DPYD: variants seen among roughly 807,000 people sequenced by gnomAD.
The protein encoded by DPYD is dihydropyrimidine dehydrogenase [NADP(+)].
A neutral mutation model predicts 116.2 loss-of-function variants in DPYD; 109 were observed. That is an observed-to-expected ratio of 0.94 (90% CI 0.80 to 1.10). The LOEUF (loss-of-function observed/expected upper bound fraction) is 1.10. Among genes scored for constraint, DPYD ranks in the 50% least tolerant of loss-of-function variants. The pLI is 0.00. For missense variants in DPYD, 1,302 were observed against 1,254.5 expected (o/e 1.04, Z -0.57); for synonymous variants, 440 against 432.0 (o/e 1.02, Z -0.23).
Position 97,078,580 on chromosome 1 carries a change from A to C in DPYD, c.*396T>G. The C allele has an allele frequency of 4.2e-6, 1 of 239,606 alleles. No individual in the cohort carries two copies. The highest frequency in any genetic ancestry group is 1.1e-4 in the East Asian group (1 of 9,412). The allele number at this position is 239,606 out of a possible 1,614,324, so 14.8% of individuals were successfully genotyped here. A position where few individuals can be genotyped will look rare whatever the true frequency, so the allele number is the denominator to read the frequency against. ...CCTTGGATACATTTTCTTGTATGTT[A>C]AAGAGTACTTTGTTTCAAAATGCTT... On this transcript the variant is annotated 3_prime_UTR_variant, in exon 23 of 23. Coordinates refer to ENST00000370192, the MANE Select transcript of DPYD (RefSeq NM_000110.4).
chr1:97,530,464 G>A (rs1035921286), intron 12 of DPYD, among the ~76,000 whole-genome samples: 7 of 151,848 alleles, frequency 4.6e-5, no homozygotes, highest in African/African-American at 7.3e-5. Flanking sequence ...TGATCCGCCC[G>A]CCTCGGCCTC....
intron 14 of DPYD, among the ~76,000 whole-genome samples, chr1:97,428,278 T>C (rs777287513): frequency 1.9e-4 from 29 of 152,144 alleles, no homozygotes; most frequent in Non-Finnish European, 3.7e-4. Context: ...TAACCATTTA[T>C]TTTAATGTGC....
intron 18 of DPYD, among the ~76,000 whole-genome samples, chr1:97,286,612 T>C (rs543484520): frequency 1.2e-3 from 176 of 152,258 alleles, no homozygotes; most frequent in African/African-American, 4.0e-3. Flanking sequence ...GGAGGCTTTG[T>C]TCATTTCTTT....
chr1:97,609,765 T>C (rs148450111), intron 8 of DPYD, among the ~76,000 whole-genome samples: 3 of 152,118 alleles, frequency 2.0e-5, no homozygotes, highest in Admixed American at 6.6e-5. Flanking sequence ...GTCTGAAAAT[T>C]TGGCATACAA....
At chr1:97,607,575 C>A (rs896494521) in intron 8 of DPYD, among the ~76,000 whole-genome samples, 2 of 151,240 alleles carry the variant, frequency 1.3e-5, no homozygotes, top group African/African-American at 4.9e-5. Context: ...AGAGCGTATA[C>A]AATAATCAGA....
intron 13 of DPYD, among the ~76,000 whole-genome samples, chr1:97,491,633 G>C (rs1678981851): frequency 6.6e-6 from 1 of 152,066 alleles, no homozygotes; most frequent in South Asian, 2.1e-4. Flanking sequence ...ATGCTGAATA[G>C]TACACTTAAT....
At chr1:97,642,136 G>T (rs905424095) in intron 8 of DPYD, among the ~76,000 whole-genome samples, 2 of 152,148 alleles carry the variant, frequency 1.3e-5, no homozygotes, top group African/African-American at 4.8e-5. Context: ...CATGCTCATG[G>T]AGAGGAAGAA....
At chr1:97,325,039 G>C (rs748933952) in intron 16 of DPYD, among the ~76,000 whole-genome samples, 1 of 151,990 alleles carries the variant, frequency 6.6e-6, no homozygotes, top group Non-Finnish European at 1.5e-5. Flanking sequence ...TAAAACAGTT[G>C]ATGAAGTTTT....
chr1:97,733,732 T>C (rs969532389), intron 4 of DPYD, among the ~76,000 whole-genome samples: 1 of 152,070 alleles, frequency 6.6e-6, no homozygotes, highest in African/African-American at 2.4e-5. Flanking sequence ...TAATAAAGCA[T>C]GCTGGTGAAA....
intron 20 of DPYD, among the ~76,000 whole-genome samples, chr1:97,170,914 C>T (rs1656678956): frequency 6.6e-6 from 1 of 152,048 alleles, no homozygotes; most frequent in Admixed American, 6.6e-5. Context: ...ACCTCATGAT[C>T]CACAAACCTC....
rs12030189 is a variant in DPYD at position 97,173,357 on chromosome 1, T to C, written c.2622+19712A>G. ...ATGTGTATATATGCACACATATATGTACATATATACATATATGTGTGTATA... is the reference window on the plus strand; with the variant it reads ...ATGTGTATATATGCACACATATATGCACATATATACATATATGTGTGTATA... On this transcript the variant is annotated intron_variant, in intron 20 of 22. Coordinates refer to ENST00000370192, the MANE Select transcript of DPYD (RefSeq NM_000110.4). Among the ~76,000 whole-genome samples, 241 of 99,778 alleles carry C rather than the reference T, an allele frequency of 2.4e-3. 2 individuals carry two copies. In the South Asian group the frequency reaches 0.03, roughly 12 times the overall value. The allele number at this position is 99,778 out of a possible 152,430, so 65.5% of individuals were successfully genotyped here.
At chr1:97,312,820 C>T (rs1054551471) in intron 16 of DPYD, among the ~76,000 whole-genome samples, 6 of 151,824 alleles carry the variant, frequency 4.0e-5, no homozygotes, top group African/African-American at 9.7e-5. Flanking sequence ...TGCCAAAACA[C>T]ATCAAACTCT....
At chr1:97,136,688 T>C (rs2101684214) in intron 20 of DPYD, among the ~76,000 whole-genome samples, 1 of 152,284 alleles carries the variant, frequency 6.6e-6, no homozygotes, top group Middle Eastern at 3.4e-3. Context: ...ATCACGTATT[T>C]GGATGAATCA....
At position 97,198,648 on chromosome 1, in the gene DPYD, C is replaced by T. The variant is rs140125999; in HGVS notation, c.2443-5400G>A. The stretch of plus-strand genomic sequence containing the variant: ...GCCTAAATGGGTGCATTTTATATGA[C>T]ATCTCTTAATTGTTTGTTTAACAGC... On this transcript the variant is annotated intron_variant, in intron 19 of 22. Coordinates refer to ENST00000370192, the MANE Select transcript of DPYD (RefSeq NM_000110.4). Among the ~76,000 whole-genome samples, 21 of 152,184 alleles carry T rather than the reference C, an allele frequency of 1.4e-4. No individual in the cohort carries two copies. In the East Asian group the frequency reaches 4.1e-3, roughly 29 times the overall value.
intron 19 of DPYD, among the ~76,000 whole-genome samples, chr1:97,193,646 G>A (rs529397262): frequency 7.9e-4 from 120 of 152,238 alleles, no homozygotes; most frequent in African/African-American, 2.5e-3. Flanking sequence ...CAGTTCTCAC[G>A]TCTGAAAGTG....
intron 13 of DPYD, among the ~76,000 whole-genome samples, chr1:97,485,661 T>C (rs1305528622): frequency 6.6e-6 from 1 of 152,210 alleles, no homozygotes; most frequent in South Asian, 2.1e-4. Flanking sequence ...ATTTATTTGG[T>C]TCATTTTAAA....
At chr1:97,785,978 C>G (rs1212609920) in intron 3 of DPYD, among the ~76,000 whole-genome samples, 2 of 150,984 alleles carry the variant, frequency 1.3e-5, no homozygotes, top group Admixed American at 1.3e-4. Context: ...CAGGCTTGAG[C>G]CACCACGTCC....
chr1:97,235,800 G>A (rs1015884984), intron 18 of DPYD, among the ~76,000 whole-genome samples: 1 of 152,002 alleles, frequency 6.6e-6, no homozygotes, highest in African/African-American at 2.4e-5. Flanking sequence ...CAGATTCCAT[G>A]TTGCTTTTTA....
intron 19 of DPYD, among the ~76,000 whole-genome samples, chr1:97,226,449 CT>C (rs373474474): frequency 1.1e-4 from 16 of 152,178 alleles, no homozygotes; most frequent in African/African-American, 3.9e-4. Flanking sequence ...TAAATAGACT[CT>C]GTAGATACCA....
Sources: gnomAD v4.1 joint callset for allele counts (sites outside exome capture counted in the v4.1 genomes callset) on GRCh38, gnomAD v4.1.1 for gene constraint, MANE v1.5 for transcripts, NCBI Gene and HGNC (gene_info 2026-07-23, HGNC 2026-07-21) for gene names.